The following URB1 variants were observed in gnomAD, a reference collection of about 807,000 sequenced individuals.
URB1 encodes the protein URB1 ribosome biogenesis factor, also known as nucleolar pre-ribosomal-associated protein 1.
Under a neutral mutation model 242.3 loss-of-function variants are expected in URB1, and 197 were observed. The ratio of observed to expected loss-of-function variants is 0.81; its 90% confidence interval spans 0.72 to 0.91. The LOEUF (loss-of-function observed/expected upper bound fraction) is 0.91. URB1 is among the 40% of genes least tolerant of loss of function. The probability of loss-of-function intolerance (pLI) is 0.00; values close to 1 mark genes in which losing one functional copy is unlikely to be tolerated. For missense variants in URB1, 2,721 were observed against 2,860.5 expected (o/e 0.95, Z 1.11); for synonymous variants, 1,153 against 1,201.8 (o/e 0.96, Z 0.84).
intron 9 of URB1, 61 bp downstream of exon 9, chr21:32,368,342 A>G: frequency 4.2e-6 from 6 of 1,434,084 alleles, no homozygotes; most frequent in South Asian, 1.4e-5. Context: ...TGCTGGGATT[A>G]CAGGCATGAG....
In URB1 at chr21:32,316,865, G is replaced by C; in HGVS notation, c.6235C>G (p.Pro2079Ala). ...VIPGPDPTQE[P>A]VDSASPESDA... The stretch of plus-strand genomic sequence containing the variant: ...CTCTCGGGGCTGGCTGAGTCCACAG[G>C]CTCCTGAGTGGGGTCAGGACCAGGG... Residue 2079 changes from proline (P) to alanine (A), a missense_variant, in exon 38 of 39, where the codon CCT becomes GCT. Pro to Ala is a conservative substitution (Grantham distance 27). Transcript: ENST00000382751. 4 of 1,550,922 alleles carry C rather than the reference G, an allele frequency of 2.6e-6. No individual in the cohort carries two copies. Among genetic ancestry groups the C allele is most frequent in the South Asian group, 2.4e-5 (2 of 83,992 alleles).
At chr21:32,337,862 T>C (rs1055769294) in intron 26 of URB1, among the ~76,000 whole-genome samples, 1 of 152,102 alleles carries the variant, frequency 6.6e-6, no homozygotes, top group African/African-American at 2.4e-5. Flanking sequence ...CACAGTCACC[T>C]TTCTTCCTAG....
chr21:32,319,729 A>G (rs138027274), intron 35 of URB1, among the ~76,000 whole-genome samples: 133 of 152,378 alleles, frequency 8.7e-4, no homozygotes, highest in African/African-American at 2.8e-3. Flanking sequence ...TGTGCCTTTT[A>G]TAAACCTGAA....
intron 30 of URB1, 24 bp downstream of exon 30, chr21:32,333,293 G>C (rs1002504627): frequency 6.5e-6 from 10 of 1,546,540 alleles, no homozygotes; most frequent in South Asian, 1.2e-5. Flanking sequence ...AGCAAGCCCT[G>C]ACCCAAGAGA....
In URB1 at chr21:32,314,362, T is replaced by C; in HGVS notation, c.*556A>G. 1 of 517,316 alleles carries C rather than the reference T, an allele frequency of 1.9e-6. No individual in the cohort carries two copies. The allele number at this position is 517,316 out of a possible 1,614,324, so 32.0% of individuals were successfully genotyped here. ...ACCATGCCTGGCTAATTTTTGTATT[T>C]TTAGTAGAGATGGGGTTTCACCATG... is the stretch of plus-strand genomic sequence containing the variant. On this transcript the variant is annotated 3_prime_UTR_variant, in exon 39 of 39. Coordinates refer to ENST00000382751, the MANE Select transcript of URB1 (RefSeq NM_014825.3).
In URB1 at chr21:32,363,227, G is replaced by A; in HGVS notation, c.1438C>T (p.Gln480Ter). 1 of 1,552,084 alleles carries A rather than the reference G, an allele frequency of 6.4e-7. No individual in the cohort carries two copies. The highest frequency in any genetic ancestry group is 8.7e-7 in the Non-Finnish European group (1 of 1,147,082). ...VDHCLNKEVW[Q>*]ESGVYTAVMM... ...ACAGCTGTGTACACGCCTGATTCCT[G>A]CCACACCTCTTTATTCAGGCAGTGG... is the stretch of plus-strand genomic sequence containing the variant. The change falls in exon 11 of 39, where the codon CAG (glutamine) becomes TAG (stop). Residue 480 changes from glutamine to a stop codon, truncating the protein, a stop_gained. Transcript: ENST00000382751. LOFTEE classifies it high-confidence loss of function.
At chr21:32,361,749 A>C in intron 12 of URB1, 143 bp downstream of exon 12, 2 of 1,190,466 alleles carry the variant, frequency 1.7e-6, no homozygotes, top group Non-Finnish European at 2.3e-6. Context: ...TAAGCAAAAA[A>C]GGATATAGAC....
At chr21:32,373,127 A>G (rs1461016553) in intron 7 of URB1, among the ~76,000 whole-genome samples, 1 of 152,216 alleles carries the variant, frequency 6.6e-6, no homozygotes, top group Non-Finnish European at 1.5e-5. Context: ...ATACACTGGC[A>G]TTGGGTCGAT....
intron 1 of URB1, among the ~76,000 whole-genome samples, 194 bp downstream of exon 1, chr21:32,392,575 G>A (rs1400232745): frequency 6.6e-6 from 1 of 152,236 alleles, no homozygotes; most frequent in African/African-American, 2.4e-5. Flanking sequence ...GCAAGTCGGG[G>A]CCCTCTCGCT....
intron 19 of URB1, 60 bp from the exon 20 acceptor site, chr21:32,350,982 T>G: frequency 6.7e-7 from 1 of 1,488,706 alleles, no homozygotes; most frequent in Non-Finnish European, 9.0e-7. Context: ...ATGAAAACGG[T>G]CATAGGCACA....
chr21:32,353,876 C>T, intron 18 of URB1, 57 bp downstream of exon 18: 1 of 1,526,572 alleles, frequency 6.6e-7, no homozygotes, highest in Non-Finnish European at 8.8e-7. Context: ...CCACCTCCCA[C>T]CCTGCACAGA....
At chr21:32,345,181 C>T (rs2033072033) in intron 23 of URB1, among the ~76,000 whole-genome samples, 193 bp downstream of exon 23, 1 of 152,036 alleles carries the variant, frequency 6.6e-6, no homozygotes, top group Non-Finnish European at 1.5e-5. Context: ...TCAGGGAACC[C>T]GACCCAGCCA....
At chr21:32,362,120 G>C (rs1568825477) in intron 11 of URB1, 99 bp from the exon 12 acceptor site, 2 of 1,448,878 alleles carry the variant, frequency 1.4e-6, no homozygotes, top group African/African-American at 2.8e-5. Flanking sequence ...AGGGAGGGGG[G>C]TGCGAGTCTA....
chr21:32,361,187 G>GAAAGAAAGAAAGAAAGAAAGAA, intron 12 of URB1, 64 bp from the exon 13 acceptor site: 1 of 843,210 alleles, frequency 1.2e-6, no homozygotes. Flanking sequence ...AAGAAAGAAA[G>GAAAGAAAGAAAGAAAGAAAGAA]AAAGAAAGAA....
chr21:32,319,477 T>C, intron 35 of URB1, 63 bp from the exon 36 acceptor site: 2 of 1,407,970 alleles, frequency 1.4e-6, no homozygotes, highest in Non-Finnish European at 1.9e-6. Flanking sequence ...GATCAGACTA[T>C]CGCCCTCCAT....
Position 32,345,498 on chromosome 21 carries a change from G to C in URB1, c.3946C>G (p.Pro1316Ala). The C allele has an allele frequency of 6.4e-7, 1 of 1,551,474 alleles. No homozygotes were observed. The highest frequency in any genetic ancestry group is 8.7e-7 in the Non-Finnish European group (1 of 1,146,828). The change falls in exon 23 of 39, where the codon CCC (proline) becomes GCC (alanine). Residue 1316 changes from proline to alanine, a missense_variant. Transcript: ENST00000382751. Reference sequence around the variant, plus strand: ...TCCTGGTACAGCCCAGATGCTGGGGGACTGTCAGTGCTAAGAAGCCTGCTC... The same window carrying C: ...TCCTGGTACAGCCCAGATGCTGGGGCACTGTCAGTGCTAAGAAGCCTGCTC... ...LQSRLLSTDSPPASGLYQEIL... is the reference protein window; with the variant it reads ...LQSRLLSTDSAPASGLYQEIL...
Position 32,337,481 on chromosome 21 carries a change from T to A in URB1, c.4544A>T (p.Glu1515Val), listed in dbSNP as rs2032974643. 1 of 1,550,680 alleles carries A rather than the reference T, an allele frequency of 6.4e-7. No individual in the cohort carries two copies. The highest frequency in any genetic ancestry group is 1.2e-5 in the South Asian group (1 of 83,968). ...ALVDLMLTVV[E>V]MCPSVCESSH... ...GCTCTCACAGACAGAGGGGCACATCTCCACCACCGTCAGCATCAGGTCCAC... is the reference window on the plus strand; with the variant it reads ...GCTCTCACAGACAGAGGGGCACATCACCACCACCGTCAGCATCAGGTCCAC... The change falls in exon 27 of 39, where the codon GAG (glutamate) becomes GTG (valine). Residue 1515 changes from glutamate (E) to valine (V), a missense_variant. Coordinates refer to ENST00000382751, the MANE Select transcript of URB1 (RefSeq NM_014825.3).
Position 32,337,482 on chromosome 21 carries a change from C to G in URB1, c.4543G>C (p.Glu1515Gln). Residue 1515 changes from glutamate to glutamine, a missense_variant, in exon 27 of 39, where the codon GAG (glutamate) becomes CAG (glutamine). By Grantham distance (29) the Glu-to-Gln change is conservative. Coordinates refer to ENST00000382751, the MANE Select transcript of URB1 (RefSeq NM_014825.3). Reference sequence around the variant, plus strand: ...CTCTCACAGACAGAGGGGCACATCTCCACCACCGTCAGCATCAGGTCCACC... The same window carrying G: ...CTCTCACAGACAGAGGGGCACATCTGCACCACCGTCAGCATCAGGTCCACC... ...ALVDLMLTVV[E>Q]MCPSVCESSH... 2 of 1,551,432 alleles carry G rather than the reference C, an allele frequency of 1.3e-6. No homozygotes were observed. Among genetic ancestry groups the G allele is most frequent in the Non-Finnish European group, 1.7e-6 (2 of 1,146,856 alleles).
chr21:32,357,683 T>G (rs1300667951), intron 14 of URB1, 27 bp from the exon 15 acceptor site: 1 of 1,393,804 alleles, frequency 7.2e-7, no homozygotes, highest in Non-Finnish European at 9.3e-7. Flanking sequence ...ATTACGTATT[T>G]TTAGTATATA....
Sources: gnomAD v4.1 joint callset for allele counts (sites outside exome capture counted in the v4.1 genomes callset) on GRCh38, gnomAD v4.1.1 for gene constraint, MANE v1.5 for transcripts, NCBI Gene and HGNC (gene_info 2026-07-23, HGNC 2026-07-21) for gene names.